The following MON2 variants were observed in gnomAD, a reference collection of about 807,000 sequenced individuals.
MON2 encodes protein MON2 homolog.
A neutral mutation model predicts 208.6 loss-of-function variants in MON2; 84 were observed. The ratio of observed to expected loss-of-function variants is 0.40; its 90% CI spans 0.34 to 0.48. The LOEUF (loss-of-function observed/expected upper bound fraction) is 0.48, where lower values mean the gene tolerates loss of function less well. Ranked by LOEUF, MON2 falls within the 20% of genes least tolerant of loss-of-function variation. MON2 has a pLI of 0.59. For missense variants in MON2, 1,611 were observed against 2,015.4 expected (o/e 0.80, Z 3.84); for synonymous variants, 660 against 694.0 (o/e 0.95, Z 0.77).
At chr12:62,469,311 A>G (rs1158767541) in intron 1 of MON2, among the ~76,000 whole-genome samples, 1 of 151,926 alleles carries the variant, frequency 6.6e-6, no homozygotes, top group Admixed American at 6.6e-5. Flanking sequence ...GTGCCACTGT[A>G]CTCCAGCCTG....
At chr12:62,573,394 CT>C (rs778858180) in intron 30 of MON2, among the ~76,000 whole-genome samples, 342 of 134,072 alleles carry the variant, frequency 2.6e-3, no homozygotes, top group Non-Finnish European at 3.6e-3. Flanking sequence ...TTCAGATCAG[CT>C]TTTTTTTTTT....
In MON2 at chr12:62,597,908, A is replaced by G. The variant is rs1456641001; in HGVS notation, c.*5159A>G. ...TCTCTAGTTCAAAAAAATATTTTTA[A>G]TTAGGGTTTTGGTTTTTTATGATTT... On this transcript the variant is annotated 3_prime_UTR_variant, in exon 35 of 35. Transcript: ENST00000393630. 2 of 151,484 alleles carry G rather than the reference A, an allele frequency of 1.3e-5. No individual in the cohort carries two copies. Among genetic ancestry groups the G allele is most frequent in the African/African-American group, 4.9e-5 (2 of 41,222 alleles). 9.4% of individuals were successfully genotyped at this position (151,484 alleles called of 1,614,324 possible).
chr12:62,587,496 A>G (rs183027104), intron 33 of MON2, among the ~76,000 whole-genome samples: 168 of 151,552 alleles, frequency 1.1e-3, no homozygotes, highest in Non-Finnish European at 1.9e-3. Flanking sequence ...AGGCAGGAGG[A>G]TCACTTGGCA....
At position 62,560,744 on chromosome 12, in the gene MON2, A is replaced by C. The variant is rs921821737; in HGVS notation, c.3663A>C (p.Arg1221Ser). The C allele has an allele frequency of 3.7e-6, 6 of 1,614,174 alleles. No individual in the cohort carries two copies. The highest frequency in any genetic ancestry group is 5.1e-6 in the Non-Finnish European group (6 of 1,180,022). ...ATTCCATTGGAGAAAAACTAGGAAG[A>C]TATAGTAGCTCTGAGCCACCCATTG... ...RTDSIGEKLG[R>S]YSSSEPPIVT... The change falls in exon 26 of 35, where the codon AGA becomes AGC. Residue 1221 changes from arginine to serine, a missense_variant. Coordinates refer to ENST00000393630, the MANE Select transcript of MON2 (RefSeq NM_015026.3).
At chr12:62,500,278 A>G (rs10784303) in intron 5 of MON2, among the ~76,000 whole-genome samples, 56,540 of 151,982 alleles carry the variant, frequency 0.37, 10,738 homozygotes, top group African/African-American at 0.42. Context: ...ATTTTTTACT[A>G]GTAGTTAAAG....
chr12:62,484,386 C>G (rs1441217199), intron 2 of MON2, among the ~76,000 whole-genome samples, 153 bp downstream of exon 2: 1 of 152,102 alleles, frequency 6.6e-6, no homozygotes, highest in African/African-American at 2.4e-5. Context: ...GGCAAAAGTC[C>G]ATAACTTATG....
intron 12 of MON2, among the ~76,000 whole-genome samples, chr12:62,534,542 A>ATATATATATATATATT (rs1306662466): frequency 2.6e-4 from 6 of 22,850 alleles, no homozygotes; most frequent in African/African-American, 1.2e-3. Flanking sequence ...AAAAAAAAAA[A>ATATATATATATATATT]ATATATATAT....
chr12:62,539,404 C>A (rs1258051063), intron 19 of MON2, among the ~76,000 whole-genome samples: 3 of 151,842 alleles, frequency 2.0e-5, no homozygotes, highest in Non-Finnish European at 4.4e-5. Context: ...GCTGGGACTA[C>A]AGGTGCCCGC....
Position 62,593,363 on chromosome 12 carries a change from A to C in MON2, c.*614A>C, listed in dbSNP as rs1025715144. On this transcript the variant is annotated 3_prime_UTR_variant, in exon 35 of 35. Coordinates refer to ENST00000393630, the MANE Select transcript of MON2 (RefSeq NM_015026.3). Reference sequence around the variant, plus strand: ...ATTATTAATACAAAATTGTTTGCTTACATTTTTACTTATAATTTGCCTTCA... The same window carrying C: ...ATTATTAATACAAAATTGTTTGCTTCCATTTTTACTTATAATTTGCCTTCA... 3 of 152,484 alleles carry C rather than the reference A, an allele frequency of 2.0e-5. No individual in the cohort carries two copies. The highest frequency in any genetic ancestry group is 7.2e-5 in the African/African-American group (3 of 41,458). The allele number at this position is 152,484 out of a possible 1,614,324, so 9.4% of individuals were successfully genotyped here. A position where few individuals can be genotyped will look rare whatever the true frequency, so the allele number is the denominator to read the frequency against.
At chr12:62,492,180 GAC>G (rs2070180250) in intron 2 of MON2, among the ~76,000 whole-genome samples, 1 of 152,134 alleles carries the variant, frequency 6.6e-6, no homozygotes, top group Admixed American at 6.5e-5. Context: ...ATACCATAAA[GAC>G]AGCTTTGGAA....
At chr12:62,565,915 C>T (rs1330367545) in intron 27 of MON2, 99 bp from the exon 28 acceptor site, 15 of 1,159,524 alleles carry the variant, frequency 1.3e-5, no homozygotes, top group Non-Finnish European at 1.7e-5. Context: ...TTTGTTCACT[C>T]AACATAAAAA....
At chr12:62,570,802 G>A (rs527355700) in intron 29 of MON2, among the ~76,000 whole-genome samples, 2 of 131,884 alleles carry the variant, frequency 1.5e-5, no homozygotes, top group Admixed American at 9.1e-5. Flanking sequence ...GTGTGATCTC[G>A]GCTCACTGCA....
intron 8 of MON2, among the ~76,000 whole-genome samples, chr12:62,514,683 C>A (rs1448727659): frequency 6.6e-6 from 1 of 152,068 alleles, no homozygotes; most frequent in Non-Finnish European, 1.5e-5. Flanking sequence ...CAGCCCCAAA[C>A]CATATCCAGA....
intron 4 of MON2, among the ~76,000 whole-genome samples, chr12:62,495,644 C>T (rs559315219): frequency 1.5e-5 from 2 of 135,424 alleles, no homozygotes; most frequent in African/African-American, 2.8e-5. Context: ...GAGCCGAGAT[C>T]GTATCACTGC....
intron 8 of MON2, among the ~76,000 whole-genome samples, chr12:62,512,199 C>G (rs1489255136): frequency 1.3e-5 from 2 of 152,150 alleles, no homozygotes; most frequent in East Asian, 3.9e-4. Context: ...ATTTCAAAAC[C>G]AATCATGCCT....
intron 8 of MON2, among the ~76,000 whole-genome samples, chr12:62,514,446 G>A (rs764151663): frequency 2.6e-4 from 39 of 152,306 alleles, no homozygotes; most frequent in South Asian, 1.0e-3. Context: ...CATGGCTGGC[G>A]AGGCCTCACA....
At chr12:62,493,087 T>TA (rs1459572048) in intron 2 of MON2, among the ~76,000 whole-genome samples, 2 of 152,148 alleles carry the variant, frequency 1.3e-5, no homozygotes, top group Non-Finnish European at 2.9e-5. Context: ...AGTTTAATGT[T>TA]CTCTTGACTT....
intron 1 of MON2, among the ~76,000 whole-genome samples, chr12:62,479,253 GAATACCAA>G (rs1301906803): frequency 6.6e-6 from 1 of 152,092 alleles, no homozygotes; most frequent in East Asian, 1.9e-4. Context: ...GAACCCCAGG[GAATACCAA>G]AATCTGAGGA....
chr12:62,503,633 T>C (rs1211326489), intron 7 of MON2, among the ~76,000 whole-genome samples: 3 of 152,212 alleles, frequency 2.0e-5, no homozygotes, highest in Admixed American at 6.5e-5. Context: ...CTTTTCATGG[T>C]TTAGTCCCCA....
Sources: allele counts gnomAD v4.1 joint callset (sites outside exome capture counted in the v4.1 genomes callset), GRCh38; gene constraint gnomAD v4.1.1; transcripts MANE v1.5; gene names NCBI Gene and HGNC (gene_info 2026-07-23, HGNC 2026-07-21).